The following UBN1 variants were observed in gnomAD, a reference collection of about 807,000 sequenced individuals.
The protein encoded by UBN1 is ubinuclein 1.
In UBN1, 17 loss-of-function variants were observed where a neutral mutation model predicts 108.5. The observed-to-expected ratio is 0.16, with a 90% CI of 0.11 to 0.24. The LOEUF (loss-of-function observed/expected upper bound fraction) is 0.24. UBN1 is among the 10% of genes least tolerant of loss of function. UBN1 has a pLI of 1.00. For missense variants in UBN1, 1,595 were observed against 1,394.4 expected (o/e 1.14, Z -2.29); for synonymous variants, 726 against 564.2 (o/e 1.29, Z -4.07).
chr16:4,858,100 A>C (rs751094157), intron 3 of UBN1, 24 bp downstream of exon 3: 2 of 1,518,054 alleles, frequency 1.3e-6, no homozygotes, highest in African/African-American at 2.7e-5. Context: ...CTTGAATAAC[A>C]AAACAACCTC....
At chr16:4,860,039 ACCT>A (rs1394503119) in intron 6 of UBN1, 71 bp downstream of exon 6, 15 of 1,585,638 alleles carry the variant, frequency 9.5e-6, no homozygotes, top group Middle Eastern at 3.7e-4. Flanking sequence ...GAGCTGACTC[ACCT>A]CCTCCCCACA....
At chr16:4,875,955 T>C (rs2087861226) in intron 15 of UBN1, among the ~76,000 whole-genome samples, 1 of 132,328 alleles carries the variant, frequency 7.6e-6, no homozygotes, top group Non-Finnish European at 1.7e-5. Context: ...TTTTCTTTTC[T>C]TTTTTTCTTT....
At chr16:4,851,115 G>C (rs961704363) in intron 1 of UBN1, among the ~76,000 whole-genome samples, 3 of 152,224 alleles carry the variant, frequency 2.0e-5, no homozygotes, top group Non-Finnish European at 4.4e-5. Flanking sequence ...AGTGATTGAT[G>C]CTGGAAGAAA....
rs140083138 is a variant in UBN1 at position 4,880,114 on chromosome 16, T to C, written c.3387T>C (p.Ala1129=). The change falls in exon 18 of 18, where the codon GCT becomes GCC. Residue 1129 remains alanine, a synonymous_variant. Coordinates refer to ENST00000262376, the MANE Select transcript of UBN1 (RefSeq NM_001079514.3). ...GASQLHGKGP[A]VPRKL Reference sequence around the variant, plus strand: ...CTCAGCTTCACGGGAAAGGGCCTGCTGTACCACGGAAATTGTGACCGCTTC... The same window carrying C: ...CTCAGCTTCACGGGAAAGGGCCTGCCGTACCACGGAAATTGTGACCGCTTC... 2.5e-6 allele frequency: 4 copies of C among 1,613,986 alleles called. No homozygotes were observed. The African/African-American group carries it at 4.0e-5, about 16-fold the overall frequency.
At chr16:4,852,175 T>G (rs2086591609) in intron 1 of UBN1, 1 of 152,272 alleles carries the variant, frequency 6.6e-6, no homozygotes, top group South Asian at 2.1e-4. Context: ...GTATACGAAG[T>G]AAGCAGAAAA....
intron 12 of UBN1, 114 bp from the exon 13 acceptor site, chr16:4,872,770 G>T (rs1423722644): frequency 1.6e-6 from 2 of 1,278,880 alleles, no homozygotes; most frequent in Non-Finnish European, 2.2e-6. Context: ...CGCCTGGCCA[G>T]TTGACATTTA....
intron 3 of UBN1, 23 bp from the exon 4 acceptor site, chr16:4,858,545 A>C: frequency 6.2e-7 from 1 of 1,602,826 alleles, no homozygotes; most frequent in East Asian, 2.2e-5. Flanking sequence ...AAAAGCATGT[A>C]ATCTATTGCT....
rs375962128 is a variant in UBN1, at chr16:4,874,557, G to T, written c.2147G>T (p.Arg716Met). The T allele has an allele frequency of 6.2e-7, 1 of 1,614,146 alleles. No homozygotes were observed. Among genetic ancestry groups the T allele is most frequent in the Middle Eastern group, 1.6e-4 (1 of 6,062 alleles). Residue 716 changes from arginine (R) to methionine (M), a missense_variant, in exon 15 of 18, where the codon AGG (arginine) becomes ATG (methionine). Coordinates refer to ENST00000262376, the MANE Select transcript of UBN1 (RefSeq NM_001079514.3). ...VGGVLCTEEK[R>M]NFAKPSPSAP... ...GGCGTTTTATGTACAGAAGAAAAAA[G>T]GAACTTTGCGAAGCCTAGTCCTTCT... is the stretch of plus-strand genomic sequence containing the variant.
chr16:4,877,819 G>T lies in UBN1; in HGVS notation c.3355+345G>T. ...AGTTTAAAAAAAAAAAAAAAGGGAA[G>T]GTAATGGTGCATCTTCTCCAAGGGC... is the stretch of plus-strand genomic sequence containing the variant. On this transcript the variant is annotated intron_variant, in intron 17 of 17. Coordinates refer to ENST00000262376, the MANE Select transcript of UBN1 (RefSeq NM_001079514.3). This position sits in a 1 kb window ranked among gnomAD's most constrained non-coding sequence, Gnocchi z 4.3. 1 of 1,012,256 alleles carries T rather than the reference G, an allele frequency of 9.9e-7. No homozygotes were observed. Among genetic ancestry groups the T allele is most frequent in the Non-Finnish European group, 1.2e-6 (1 of 843,856 alleles). 62.7% of individuals were successfully genotyped at this position (1,012,256 alleles called of 1,614,324 possible). A position where few individuals can be genotyped will look rare whatever the true frequency, so the allele number is the denominator to read the frequency against.
At chr16:4,852,858 C>G (rs2086622843) in intron 1 of UBN1, 21 bp from the exon 2 acceptor site, 3 of 1,543,680 alleles carry the variant, frequency 1.9e-6, no homozygotes, top group Non-Finnish European at 2.6e-6. Context: ...TTGACCTGGC[C>G]CTTCTTTTCA....
chr16:4,870,818 C>A (rs1350277740), intron 10 of UBN1, 26 bp from the exon 11 acceptor site: 1 of 1,612,578 alleles, frequency 6.2e-7, no homozygotes, highest in African/African-American at 1.3e-5. Flanking sequence ...ACCTTGGGGC[C>A]CCATGTAATT....
intron 2 of UBN1, among the ~76,000 whole-genome samples, chr16:4,853,391 A>C (rs934378385): frequency 1.3e-5 from 2 of 152,144 alleles, no homozygotes; most frequent in African/African-American, 4.8e-5. Flanking sequence ...TAAAAACAAT[A>C]CATTTTTCTC....
At chr16:4,879,982 T>C (rs1235992793) in intron 17 of UBN1, 101 bp from the exon 18 acceptor site, 1 of 1,291,442 alleles carries the variant, frequency 7.7e-7, no homozygotes, top group Non-Finnish European at 1.1e-6. Context: ...TTTGGGGACT[T>C]TTGCTATTTA....
At chr16:4,859,768 C>G in intron 5 of UBN1, 97 bp from the exon 6 acceptor site, 3 of 1,548,836 alleles carry the variant, frequency 1.9e-6, no homozygotes, top group Non-Finnish European at 2.6e-6. Flanking sequence ...AGACAGGTCT[C>G]AGGATGTGCC....
intron 1 of UBN1, among the ~76,000 whole-genome samples, chr16:4,848,635 A>G (rs77120311): frequency 0.13 from 19,587 of 152,220 alleles, 1,439 homozygotes; most frequent in South Asian, 0.26. Context: ...CTGAAGTACC[A>G]AGAATTAGCT....
rs576738436 is a variant in UBN1 at position 4,850,329 on chromosome 16, G to C, written c.-40+2119G>C. 2.6e-5 allele frequency among the ~76,000 whole-genome samples: 4 copies of C among 152,310 alleles called. No individual in the cohort carries two copies. In the South Asian group the frequency reaches 8.3e-4, roughly 32 times the overall value. ...TTTGCCATCTAGGATTGAAGCTGCA[G>C]TCTCTCAGACTTGGACTGAGATAAG... On this transcript the variant is annotated intron_variant, in intron 1 of 17. Coordinates refer to ENST00000262376, the MANE Select transcript of UBN1 (RefSeq NM_001079514.3).
chr16:4,874,306 G>C lies in UBN1; in HGVS notation c.1896G>C (p.Leu632=). The C allele has an allele frequency of 1.9e-6, 3 of 1,614,180 alleles. No individual in the cohort carries two copies. Among genetic ancestry groups the C allele is most frequent in the Non-Finnish European group, 2.5e-6 (3 of 1,180,048 alleles). The change falls in exon 15 of 18, where the codon CTG becomes CTC. Residue 632 remains leucine (L), a synonymous_variant. Coordinates refer to ENST00000262376, the MANE Select transcript of UBN1 (RefSeq NM_001079514.3). ...CCTCAGATCACCAAACAGGAGGCCTGAGTATTGGGGCCTCGAGCAGGGAGC... is the reference window on the plus strand; with the variant it reads ...CCTCAGATCACCAAACAGGAGGCCTCAGTATTGGGGCCTCGAGCAGGGAGC... ...ALPSDHQTGG[L]SIGASSRELP...
intron 5 of UBN1, 23 bp from the exon 6 acceptor site, chr16:4,859,842 T>G: frequency 6.2e-7 from 1 of 1,613,514 alleles, no homozygotes; most frequent in South Asian, 1.1e-5. Context: ...GCCGTGTAAC[T>G]GTGCCTTGTC....
At chr16:4,858,928 G>C (rs766741496) in intron 4 of UBN1, 97 bp from the exon 5 acceptor site, 1 of 1,468,962 alleles carries the variant, frequency 6.8e-7, no homozygotes, top group East Asian at 2.3e-5. Context: ...TCTTGGAAGT[G>C]GCAGAGGAGC....
Sources: allele counts gnomAD v4.1 joint callset (sites outside exome capture counted in the v4.1 genomes callset), GRCh38; gene constraint gnomAD v4.1.1; non-coding constraint Gnocchi (gnomAD v3.1); transcripts MANE v1.5; gene names NCBI Gene and HGNC (gene_info 2026-07-23, HGNC 2026-07-21).